The following STK3 variants were observed in gnomAD, a reference collection of about 807,000 sequenced individuals.
STK3 encodes the protein serine/threonine kinase 3.
STK3 carries 41 observed loss-of-function variants against 58.0 expected under a neutral mutation model. The observed-to-expected ratio is 0.71, with a 90% confidence interval of 0.55 to 0.92. The LOEUF is 0.92. Ranked by LOEUF, STK3 falls within the 40% of genes least tolerant of loss-of-function variation. STK3 has a pLI of 0.00. For synonymous variants in STK3, 170 were observed against 191.0 expected (o/e 0.89, Z 0.91); for missense variants, 479 against 602.7 (o/e 0.79, Z 2.15).
intron 6 of STK3, among the ~76,000 whole-genome samples, chr8:98,660,521 A>G (rs939346781): frequency 1.3e-5 from 2 of 152,078 alleles, no homozygotes; most frequent in African/African-American, 2.4e-5. Flanking sequence ...TTACAGGTAA[A>G]ACATGTATGT....
intron 10 of STK3, among the ~76,000 whole-genome samples, chr8:98,502,793 G>A (rs1823721551): frequency 6.6e-6 from 1 of 152,128 alleles, no homozygotes; most frequent in Admixed American, 6.5e-5. Flanking sequence ...ATGTGTTGCT[G>A]GATTCGGTTT....
At chr8:98,692,205 G>A (rs1440247870) in intron 6 of STK3, among the ~76,000 whole-genome samples, 2 of 152,072 alleles carry the variant, frequency 1.3e-5, no homozygotes, top group East Asian at 3.9e-4. Flanking sequence ...CAGCTGCTGT[G>A]GAAAACAGTA....
At chr8:98,415,012 C>T (rs768796477) in intron 3 of STK3, among the ~76,000 whole-genome samples, 7 of 152,212 alleles carry the variant, frequency 4.6e-5, no homozygotes, top group Non-Finnish European at 8.8e-5. Context: ...ATGTGATAAA[C>T]AGGTGGGGAC....
chr8:98,809,856 C>T (rs1038017857), intron 1 of STK3, among the ~76,000 whole-genome samples: 1 of 152,124 alleles, frequency 6.6e-6, no homozygotes, highest in Non-Finnish European at 1.5e-5. Context: ...TGCATTAATC[C>T]GTTCTGGCGC....
chr8:98,388,899 C>T (rs1817819306), upstream of STK3, among the ~76,000 whole-genome samples: 2 of 152,212 alleles, frequency 1.3e-5, no homozygotes, highest in Admixed American at 1.3e-4. Flanking sequence ...ACAAAAACAT[C>T]TGATTTAAGT....
chr8:98,706,625 C>A lies in STK3; in HGVS notation c.526G>T (p.Ala176Ser), dbSNP rs777502225. ...GVAGQLTDTM[A>S]KRNTVIGTPF... ...GTTCCTATTACAGTATTGCGTTTTG[C>A]CATTGTATCCTGCAATAATGTTACA... is the stretch of plus-strand genomic sequence containing the variant. Residue 176 changes from alanine (A) to serine (S), a missense_variant, in exon 6 of 11, where the codon GCA (alanine) becomes TCA (serine). This residue lies in a region of STK3 where 126 missense variants were observed against 210.1 expected (regional missense o/e 0.60). Coordinates refer to ENST00000419617, the MANE Select transcript of STK3 (RefSeq NM_006281.4). 6.3e-7 allele frequency: 1 copy of A among 1,592,834 alleles called. No homozygotes were observed. The highest frequency in any genetic ancestry group is 1.1e-5 in the South Asian group (1 of 86,976).
chr8:98,431,822 A>T (rs945826313), intron 3 of STK3: 1 of 167,046 alleles, frequency 6.0e-6, no homozygotes, highest in African/African-American at 2.4e-5. Flanking sequence ...CGTGCTTTAG[A>T]GACTATCTTT....
chr8:98,551,970 T>G (rs537780450), intron 8 of STK3, among the ~76,000 whole-genome samples: 1 of 152,172 alleles, frequency 6.6e-6, no homozygotes, highest in South Asian at 2.1e-4. Context: ...ATAAGAGACT[T>G]CCCTAAGGTC....
rs1554674147 is a variant in STK3, at chr8:98,774,832, A to G, written c.27-13T>C. 1.3e-6 allele frequency: 2 copies of G among 1,518,864 alleles called. No individual in the cohort carries two copies. Among genetic ancestry groups the G allele is most frequent in the African/African-American group, 1.4e-5 (1 of 71,312 alleles). The allele number at this position is 1,518,864 out of a possible 1,614,324, so 94.1% of individuals were successfully genotyped here. A position where few individuals can be genotyped will look rare whatever the true frequency, so the allele number is the denominator to read the frequency against. ...CTTTTTTAGTTTACTGATTTAAAAAAGAAAGAAGAAAGAAAATATTTTCTT... is the reference window on the plus strand; with the variant it reads ...CTTTTTTAGTTTACTGATTTAAAAAGGAAAGAAGAAAGAAAATATTTTCTT... On this transcript the variant is annotated splice_polypyrimidine_tract_variant and intron_variant, in intron 1 of 10. Transcript: ENST00000419617.
At chr8:98,668,988 C>CTT (rs35407432) in intron 6 of STK3, among the ~76,000 whole-genome samples, 1,898 of 111,084 alleles carry the variant, frequency 0.017, 153 homozygotes, top group African/African-American at 0.038. Flanking sequence ...TTAATCTTGT[C>CTT]TTTTTTTTTT....
intron 6 of STK3, among the ~76,000 whole-genome samples, chr8:98,605,318 A>C (rs1816688991): frequency 6.6e-6 from 1 of 152,178 alleles, no homozygotes; most frequent in African/African-American, 2.4e-5. Flanking sequence ...TAAAGAAAAG[A>C]AGTTTAACTG....
At position 98,855,319 on chromosome 8, in the gene STK3, A is replaced by G. The variant is rs144886684; in HGVS notation, c.110+28328T>C. Reference sequence around the variant, plus strand: ...AAGACAGTGTGGTGCAGGCACAAGGACAGACATATGGATCAGAGAGTCTAG... The same window carrying G: ...AAGACAGTGTGGTGCAGGCACAAGGGCAGACATATGGATCAGAGAGTCTAG... On this transcript the variant is annotated intron_variant, in intron 3 of 12. Coordinates refer to the STK3 transcript ENST00000523601. Among the ~76,000 whole-genome samples, 429 of 152,354 alleles carry G rather than the reference A, an allele frequency of 2.8e-3. 4 individuals are homozygous for G. Among genetic ancestry groups the G allele is most frequent in the African/African-American group, 9.8e-3 (409 of 41,578 alleles).
In STK3 at chr8:98,586,265, T is replaced by C. The variant is rs560468713; in HGVS notation, c.823-6476A>G. ...AGATAGCTCTTATTATTTTGAAATA[T>C]ATCCCATCAATACCTAATTTATTGA... is the stretch of plus-strand genomic sequence containing the variant. On this transcript the variant is annotated intron_variant, in intron 7 of 10. Transcript: ENST00000419617. 7.1e-3 allele frequency among the ~76,000 whole-genome samples: 1,080 copies of C among 151,550 alleles called. 11 individuals are homozygous for C. Among genetic ancestry groups the C allele is most frequent in the African/African-American group, 0.024 (977 of 40,942 alleles).
chr8:98,803,515 A>G (rs549497990), intron 1 of STK3, among the ~76,000 whole-genome samples: 2 of 148,922 alleles, frequency 1.3e-5, no homozygotes, highest in Non-Finnish European at 3.0e-5. Flanking sequence ...AATGACATGA[A>G]CCCAGGAGGC....
At chr8:98,802,527 C>T (rs529832581) in intron 1 of STK3, among the ~76,000 whole-genome samples, 3 of 152,110 alleles carry the variant, frequency 2.0e-5, no homozygotes, top group Non-Finnish European at 4.4e-5. Flanking sequence ...GTGATGAATA[C>T]ATATAGGTTC....
At chr8:98,897,654 T>C (rs1420833434) in intron 1 of STK3, among the ~76,000 whole-genome samples, 1 of 152,184 alleles carries the variant, frequency 6.6e-6, no homozygotes, top group East Asian at 1.9e-4. Flanking sequence ...ATACAGCCCT[T>C]ATTCCATCAT....
chr8:98,466,802 T>C (rs1006888532), intron 10 of STK3, among the ~76,000 whole-genome samples: 1 of 152,148 alleles, frequency 6.6e-6, no homozygotes, highest in Admixed American at 6.5e-5. Context: ...CTGAGTTAGA[T>C]ATTGTCTCCT....
intron 1 of STK3, among the ~76,000 whole-genome samples, chr8:98,817,185 G>A (rs910622825): frequency 7.9e-5 from 12 of 152,124 alleles, no homozygotes; most frequent in African/African-American, 2.4e-4. Context: ...CGGGCATGGC[G>A]GCTCATGCCT....
intron 1 of STK3, among the ~76,000 whole-genome samples, chr8:98,902,561 C>CT (rs1838697771): frequency 2.0e-5 from 3 of 152,214 alleles, no homozygotes; most frequent in Admixed American, 2.0e-4. Context: ...GATCACAAAT[C>CT]TCTCTCAATT....
Sources: gnomAD v4.1 joint callset for allele counts (sites outside exome capture counted in the v4.1 genomes callset) on GRCh38, gnomAD v4.1.1 for gene constraint, gnomAD v4.1.1 regional missense constraint, MANE v1.5 for transcripts, NCBI Gene and HGNC (gene_info 2026-07-23, HGNC 2026-07-21) for gene names.